The following FLYWCH1 variants were observed in gnomAD, a reference collection of about 807,000 sequenced individuals.
FLYWCH1 encodes the protein FLYWCH-type zinc finger 1, also known as FLYWCH-type zinc finger-containing protein 1.
FLYWCH1 carries 75 observed loss-of-function variants against 66.4 expected under a neutral mutation model. The ratio of observed to expected loss-of-function variants is 1.13; its 90% CI spans 0.94 to 1.37. The LOEUF (loss-of-function observed/expected upper bound fraction) is 1.37. FLYWCH1 is among the 40% of genes most tolerant of loss of function. FLYWCH1 has a pLI of 0.00. For synonymous variants in FLYWCH1, 595 were observed against 429.9 expected, an observed-to-expected ratio of 1.38 and a Z score of -4.75; for missense variants, 1,334 against 1,001.8, an observed-to-expected ratio of 1.33 and a Z score of -4.48.
intron 2 of FLYWCH1, among the ~76,000 whole-genome samples, chr16:2,920,987 G>A (rs146189431): frequency 0.01 from 1,542 of 151,832 alleles, 33 homozygotes; most frequent in African/African-American, 0.034. Context: ...GACTACAGGC[G>A]CCCGCCACCA....
In FLYWCH1 at chr16:2,940,582, T is replaced by C. The variant is rs141171618; in HGVS notation, c.2111+490T>C. The stretch of plus-strand genomic sequence containing the variant: ...CCCTGAGTAGCTGGGATTACAGGCA[T>C]GTACCACCACACCGAGCTGATTTTT... On this transcript the variant is annotated intron_variant, in intron 9 of 9. Transcript: ENST00000253928. Among the ~76,000 whole-genome samples, 444 of 152,248 alleles carry C rather than the reference T, an allele frequency of 2.9e-3. 4 individuals are homozygous for C. The highest frequency in any genetic ancestry group is 1.0e-2 in the African/African-American group (415 of 41,550).
intron 4 of FLYWCH1, among the ~76,000 whole-genome samples, chr16:2,931,617 A>G (rs368967859): frequency 1.2e-4 from 18 of 150,572 alleles, no homozygotes; most frequent in African/African-American, 4.1e-4. Context: ...CCCTGTCTCA[A>G]AAAAAAAAAT....
At chr16:2,940,583 G>A (rs1466806769) in intron 9 of FLYWCH1, among the ~76,000 whole-genome samples, 1 of 152,152 alleles carries the variant, frequency 6.6e-6, no homozygotes, top group Non-Finnish European at 1.5e-5. Context: ...TTACAGGCAT[G>A]TACCACCACA....
chr16:2,913,945 A>G (rs1048760093), intron 1 of FLYWCH1, among the ~76,000 whole-genome samples: 19 of 152,112 alleles, frequency 1.2e-4, no homozygotes, highest in Non-Finnish European at 1.0e-4. Context: ...CCTGGGCTCA[A>G]ACAATTCTCT....
At chr16:2,926,019 A>G (rs892492300) in intron 2 of FLYWCH1, among the ~76,000 whole-genome samples, 1 of 152,102 alleles carries the variant, frequency 6.6e-6, no homozygotes, top group African/African-American at 2.4e-5. Context: ...AGACCCCACC[A>G]TCTGCCCACA....
chr16:2,930,995 C>G, intron 4 of FLYWCH1, 115 bp downstream of exon 4: 1 of 806,752 alleles, frequency 1.2e-6, no homozygotes, highest in Non-Finnish European at 1.9e-6. Flanking sequence ...GTACTCAAAG[C>G]TAAAATGACT....
intron 2 of FLYWCH1, among the ~76,000 whole-genome samples, chr16:2,921,988 G>T (rs571661046): frequency 4.6e-5 from 7 of 152,258 alleles, no homozygotes; most frequent in African/African-American, 4.8e-5. Context: ...ACTTGAACCC[G>T]GGAGGCAGAG....
intron 9 of FLYWCH1, 36 bp from the exon 10 acceptor site, chr16:2,948,652 G>C (rs1205205288): frequency 1.9e-6 from 3 of 1,606,354 alleles, no homozygotes; most frequent in Non-Finnish European, 2.6e-6. Flanking sequence ...ACCATGTTTT[G>C]ATGTGTGCAA....
chr16:2,927,178 G>T (rs958508210), intron 2 of FLYWCH1, among the ~76,000 whole-genome samples: 10 of 152,154 alleles, frequency 6.6e-5, no homozygotes, highest in Non-Finnish European at 1.5e-4. Flanking sequence ...GCACCACAGG[G>T]CGCGGCGCTG....
intron 2 of FLYWCH1, among the ~76,000 whole-genome samples, chr16:2,926,083 C>G (rs2070557370): frequency 6.6e-6 from 1 of 152,230 alleles, no homozygotes; most frequent in African/African-American, 2.4e-5. Flanking sequence ...CTGACTGCCC[C>G]CAGGTCCCTG....
intron 9 of FLYWCH1, among the ~76,000 whole-genome samples, chr16:2,942,300 A>G (rs922886582): frequency 1.3e-5 from 2 of 151,916 alleles, no homozygotes; most frequent in Admixed American, 6.6e-5. Flanking sequence ...TGCACGCACC[A>G]CCACGCCTGG....
chr16:2,933,692 T>G, intron 5 of FLYWCH1, 24 bp from the exon 6 acceptor site: 1 of 1,603,144 alleles, frequency 6.2e-7, no homozygotes. Flanking sequence ...TCCCCTCCCC[T>G]GACTGCCTCT....
At chr16:2,925,532 T>G (rs1028989325) in intron 2 of FLYWCH1, among the ~76,000 whole-genome samples, 1 of 130,624 alleles carries the variant, frequency 7.7e-6, no homozygotes, top group Non-Finnish European at 1.6e-5. Context: ...GTAGAAGGAC[T>G]TGTGCCCAGG....
intron 1 of FLYWCH1, chr16:2,912,925 C>A (rs749311635): frequency 6.6e-6 from 1 of 152,180 alleles, no homozygotes; most frequent in African/African-American, 2.4e-5. Context: ...TTTCTGCTTT[C>A]CAAGGGCCAA....
intron 2 of FLYWCH1, among the ~76,000 whole-genome samples, chr16:2,924,804 C>A (rs1194248286): frequency 6.6e-6 from 1 of 152,246 alleles, no homozygotes; most frequent in Non-Finnish European, 1.5e-5. Flanking sequence ...AACGGGTCCT[C>A]AGCCTTCCAC....
chr16:2,919,511 G>A lies in FLYWCH1; in HGVS notation c.-74+5222G>A, dbSNP rs193072775. 4.7e-3 allele frequency among the ~76,000 whole-genome samples: 713 copies of A among 151,678 alleles called. 4 individuals carry two copies. Among genetic ancestry groups the A allele is most frequent in the African/African-American group, 0.015 (634 of 41,372 alleles). On this transcript the variant is annotated intron_variant, in intron 2 of 9. Coordinates refer to ENST00000253928, the MANE Select transcript of FLYWCH1 (RefSeq NM_001308068.2). ...GATCTCTTGACCTCGTGATCCGCCT[G>A]CCTTGGCCTGCCGAAGTGCTGGGAT...
intron 9 of FLYWCH1, among the ~76,000 whole-genome samples, chr16:2,944,394 CA>C (rs58680101): frequency 0.39 from 37,884 of 97,898 alleles, 5,001 homozygotes; most frequent in Admixed American, 0.44. Context: ...AACTCCATCT[CA>C]AAAAAAAAAA....
rs2071601668 is a variant in FLYWCH1, at chr16:2,949,118, CAA to C, written c.*393_*394del. On this transcript the variant is annotated 3_prime_UTR_variant, in exon 10 of 10. Transcript: ENST00000253928. ...AGGCCCCGCTCTGCTCAGCACGGTG[CAA>C]AGTGAATGCTGCTGTCTTGGAGCCT... The C allele has an allele frequency of 8.4e-6, 2 of 237,242 alleles. No individual in the cohort carries two copies. The highest frequency in any genetic ancestry group is 1.1e-4 in the South Asian group (2 of 17,680). The allele number at this position is 237,242 out of a possible 1,614,324, so 14.7% of individuals were successfully genotyped here. A position where few individuals can be genotyped will look rare whatever the true frequency, so the allele number is the denominator to read the frequency against.
chr16:2,927,312 G>A (rs2070605207), intron 2 of FLYWCH1, among the ~76,000 whole-genome samples: 1 of 152,176 alleles, frequency 6.6e-6, no homozygotes, highest in Non-Finnish European at 1.5e-5. Context: ...GCAGTTCCTG[G>A]TAATTTTACA....
Sources: gnomAD v4.1 joint callset for allele counts (sites outside exome capture counted in the v4.1 genomes callset) on GRCh38, gnomAD v4.1.1 for gene constraint, MANE v1.5 for transcripts, NCBI Gene and HGNC (gene_info 2026-07-23, HGNC 2026-07-21) for gene names.